The following KATNAL1 variants were observed in gnomAD, a reference collection of about 807,000 sequenced individuals.
The protein encoded by KATNAL1 is katanin p60 ATPase-containing subunit A-like 1.
In KATNAL1, 32 loss-of-function variants were observed where a neutral mutation model predicts 55.2. The observed-to-expected ratio is 0.58, with a 90% CI of 0.44 to 0.78. The LOEUF (loss-of-function observed/expected upper bound fraction) is 0.78. Among genes scored for constraint, KATNAL1 ranks in the 30% least tolerant of loss-of-function variants. The pLI, the probability that KATNAL1 is intolerant of heterozygous loss-of-function variation, is 0.00. For synonymous variants in KATNAL1, 193 were observed against 193.6 expected (o/e 1.00, Z 0.02); for missense variants, 466 against 600.9 (o/e 0.78, Z 2.35).
At chr13:30,222,231 C>T (rs1874947176) in intron 9 of KATNAL1, among the ~76,000 whole-genome samples, 1 of 151,980 alleles carries the variant, frequency 6.6e-6, no homozygotes, top group Admixed American at 6.6e-5. Flanking sequence ...CGACACTGCC[C>T]CCACCGCCCA....
chr13:30,250,039 A>G (rs1878155237), intron 4 of KATNAL1, among the ~76,000 whole-genome samples: 1 of 152,156 alleles, frequency 6.6e-6, no homozygotes, highest in African/African-American at 2.4e-5. Context: ...GAGGTTCCAT[A>G]GTTTATTGTA....
intron 1 of KATNAL1, chr13:30,296,333 G>A (rs527706121): frequency 3.5e-5 from 40 of 1,151,240 alleles, no homozygotes; most frequent in South Asian, 2.6e-4. Flanking sequence ...CAGCCATGCC[G>A]AGGACTTCCG....
intron 1 of KATNAL1, among the ~76,000 whole-genome samples, chr13:30,297,143 TAA>T (rs560378346): frequency 5.0e-4 from 52 of 103,564 alleles, no homozygotes; most frequent in Non-Finnish European, 6.4e-4. Flanking sequence ...ACCCTGCCTC[TAA>T]AAAAAAAAAA....
chr13:30,216,885 T>C (rs1331753069), intron 9 of KATNAL1, among the ~76,000 whole-genome samples: 3 of 152,214 alleles, frequency 2.0e-5, no homozygotes, highest in Non-Finnish European at 4.4e-5. Flanking sequence ...CCACTGTATG[T>C]GTAAATCAAA....
chr13:30,258,972 T>A (rs1879015224), intron 3 of KATNAL1, among the ~76,000 whole-genome samples: 1 of 152,224 alleles, frequency 6.6e-6, no homozygotes, highest in Non-Finnish European at 1.5e-5. Flanking sequence ...TAGGAATCTT[T>A]AAAATATTAT....
chr13:30,259,560 G>A (rs890099284), intron 3 of KATNAL1, among the ~76,000 whole-genome samples: 1 of 152,214 alleles, frequency 6.6e-6, no homozygotes, highest in Non-Finnish European at 1.5e-5. Context: ...CCTCACTCGG[G>A]AAGAGCGAGG....
chr13:30,281,139 A>AAAG (rs1881268198), intron 2 of KATNAL1, among the ~76,000 whole-genome samples: 1 of 144,422 alleles, frequency 6.9e-6, no homozygotes, highest in Admixed American at 7.1e-5. Context: ...AAAAAAAAAG[A>AAAG]AAAGAAAAGA....
At chr13:30,274,901 G>GCA (rs1375758994) in intron 3 of KATNAL1, among the ~76,000 whole-genome samples, 86 of 111,470 alleles carry the variant, frequency 7.7e-4, no homozygotes, top group African/African-American at 2.5e-3. Context: ...ACGCGCGCGC[G>GCA]CGCGCGCACA....
intron 1 of KATNAL1, among the ~76,000 whole-genome samples, chr13:30,288,505 T>C (rs936334263): frequency 6.6e-6 from 1 of 152,216 alleles, no homozygotes; most frequent in Admixed American, 6.5e-5. Context: ...GAAAGCTATA[T>C]AAAATTACTT....
chr13:30,261,023 G>A (rs1444201790), intron 3 of KATNAL1, among the ~76,000 whole-genome samples: 7 of 151,774 alleles, frequency 4.6e-5, no homozygotes, highest in Admixed American at 1.3e-4. Context: ...CGGATCTCTC[G>A]GCAGAAACTC....
In KATNAL1 at chr13:30,300,521, GA is replaced by G. The variant is rs879637592; in HGVS notation, c.-15+6809del. Among the ~76,000 whole-genome samples, 363 of 143,028 alleles carry G rather than the reference GA, an allele frequency of 2.5e-3. 1 individual carries two copies. The highest frequency in any genetic ancestry group is 8.2e-3 in the African/African-American group (323 of 39,176). 93.8% of individuals were successfully genotyped at this position (143,028 alleles called of 152,430 possible). ...TATGTCCAGGCTTTACATGCTTAATGAAAAAAAAAAAAGTTTCTCCAAATCA... is the reference window on the plus strand; with the variant it reads ...TATGTCCAGGCTTTACATGCTTAATGAAAAAAAAAAAGTTTCTCCAAATCA... On this transcript the variant is annotated intron_variant, in intron 1 of 10. Transcript: ENST00000380615.
At chr13:30,229,948 CTT>C (rs35961753) in intron 8 of KATNAL1, among the ~76,000 whole-genome samples, 52,331 of 136,608 alleles carry the variant, frequency 0.38, 11,210 homozygotes, top group Admixed American at 0.5. Flanking sequence ...AGAAGAGGGG[CTT>C]TTTTTTTTTT....
intron 3 of KATNAL1, 75 bp from the exon 4 acceptor site, chr13:30,255,690 T>A (rs1878724165): frequency 1.6e-6 from 2 of 1,220,632 alleles, no homozygotes; most frequent in Admixed American, 6.7e-5. Context: ...CAATACTATC[T>A]TAGTCAATAA....
At chr13:30,248,817 T>C (rs1360019556) in intron 4 of KATNAL1, among the ~76,000 whole-genome samples, 1 of 152,144 alleles carries the variant, frequency 6.6e-6, no homozygotes, top group Admixed American at 6.5e-5. Flanking sequence ...CCCAGCACTT[T>C]GGGAGGCCGA....
rs550207316 is a variant in KATNAL1 at position 30,262,652 on chromosome 13, T to TC, written c.324-7038dup. Among the ~76,000 whole-genome samples, 202 of 151,754 alleles carry TC rather than the reference T, an allele frequency of 1.3e-3. 1 individual carries two copies. The highest frequency in any genetic ancestry group is 4.6e-3 in the African/African-American group (189 of 41,344). On this transcript the variant is annotated intron_variant, in intron 3 of 10. Transcript: ENST00000380615. ...GATAAATTCCTCGACACATACACCCTCCCAAGACTAAACCAGGAAGAAGTT... is the reference window on the plus strand; with the variant it reads ...GATAAATTCCTCGACACATACACCCTCCCCAAGACTAAACCAGGAAGAAGTT...
chr13:30,233,584 A>G (rs1355725551), intron 6 of KATNAL1, among the ~76,000 whole-genome samples: 1 of 151,288 alleles, frequency 6.6e-6, no homozygotes, highest in Non-Finnish European at 1.5e-5. Context: ...CAATTCCACT[A>G]CCGGGAATAT....
rs1875628376 is a variant in KATNAL1, at chr13:30,227,530, T to C, written c.1029A>G (p.Leu343=). ...LIQMDGVGGA[L]ENDDPSKMVM... ...CCATTTTGGAAGGATCATCATTTTCTAAAGCTCCTCCAACTCCTATACACA... is the reference window on the plus strand; with the variant it reads ...CCATTTTGGAAGGATCATCATTTTCCAAAGCTCCTCCAACTCCTATACACA... Residue 343 remains leucine, a synonymous_variant, in exon 9 of 11, where the codon TTA becomes TTG. Coordinates refer to ENST00000380615, the MANE Select transcript of KATNAL1 (RefSeq NM_032116.5). 2 of 1,613,878 alleles carry C rather than the reference T, an allele frequency of 1.2e-6. No individual in the cohort carries two copies. The highest frequency in any genetic ancestry group is 2.7e-5 in the African/African-American group (2 of 75,058).
At chr13:30,243,755 T>TGG (rs1367553452) in intron 4 of KATNAL1, among the ~76,000 whole-genome samples, 1 of 152,034 alleles carries the variant, frequency 6.6e-6, no homozygotes, top group Non-Finnish European at 1.5e-5. Context: ...CATCGGAAAT[T>TGG]ACTGGCCAAT....
intron 1 of KATNAL1, among the ~76,000 whole-genome samples, chr13:30,294,152 A>G (rs1232416089): frequency 6.6e-6 from 1 of 152,210 alleles, no homozygotes; most frequent in East Asian, 1.9e-4. Context: ...TGTTCAAGTG[A>G]AAGGGAATAG....
Sources: allele counts gnomAD v4.1 joint callset (sites outside exome capture counted in the v4.1 genomes callset), GRCh38; gene constraint gnomAD v4.1.1; transcripts MANE v1.5; gene names NCBI Gene and HGNC (gene_info 2026-07-23, HGNC 2026-07-21).